Variants in PCDHGA3 observed in about 807,000 individuals in gnomAD.
PCDHGA3 encodes protocadherin gamma subfamily A, 3, also known as protocadherin gamma-A3.
In PCDHGA3, 40 loss-of-function variants were observed where a neutral mutation model predicts 58.5. The observed-to-expected ratio is 0.68, with a 90% CI of 0.53 to 0.89. The LOEUF (loss-of-function observed/expected upper bound fraction) is 0.89, where lower values mean the gene tolerates loss of function less well. PCDHGA3 is among the 40% of genes least tolerant of loss of function. PCDHGA3 has a pLI of 0.00. For missense variants in PCDHGA3, 1,223 were observed against 1,195.9 expected, an observed-to-expected ratio of 1.02 and a Z score of -0.33; for synonymous variants, 530 against 525.7, an observed-to-expected ratio of 1.01 and a Z score of -0.11.
chr5:141,383,057 G>A (rs1778763110), intron 1 of PCDHGA3: 2 of 1,613,902 alleles, frequency 1.2e-6, no homozygotes, highest in Non-Finnish European at 1.7e-6. Context: ...AAGGACCTGG[G>A]GCTGGAGCCC....
rs1375469711 is a variant in PCDHGA3, at chr5:141,512,102, C to A, written c.*929C>A. On this transcript the variant is annotated 3_prime_UTR_variant, in exon 4 of 4. Coordinates refer to ENST00000253812, the MANE Select transcript of PCDHGA3 (RefSeq NM_018916.4). ...GCCATAAACCAATAACTAGGCTGGA[C>A]CCTTCCCACTACATAATAGGGCTCA... The A allele has an allele frequency of 6.5e-6, 1 of 152,688 alleles. No individual in the cohort carries two copies. Among genetic ancestry groups the A allele is most frequent in the Non-Finnish European group, 1.5e-5 (1 of 68,070 alleles). The allele number at this position is 152,688 out of a possible 1,614,324, so 9.5% of individuals were successfully genotyped here. A position where few individuals can be genotyped will look rare whatever the true frequency, so the allele number is the denominator to read the frequency against.
chr5:141,451,163 G>A (rs2098709493), intron 1 of PCDHGA3, among the ~76,000 whole-genome samples: 1 of 152,086 alleles, frequency 6.6e-6, no homozygotes, highest in African/African-American at 2.4e-5. Flanking sequence ...TTTTTTGGTA[G>A]TATATTATTT....
chr5:141,410,602 T>A, intron 1 of PCDHGA3: 4 of 1,607,792 alleles, frequency 2.5e-6, no homozygotes, highest in South Asian at 2.2e-5. Flanking sequence ...TGACTTCACA[T>A]CCTGAGACTC....
At position 141,431,338 on chromosome 5, in the gene PCDHGA3, A is replaced by G; in HGVS notation, c.2425-63469A>G. On this transcript the variant is annotated intron_variant, in intron 1 of 3. Transcript: ENST00000253812. This position sits in a 1 kb window ranked among gnomAD's most constrained non-coding sequence, Gnocchi z 4.8. ...GAGCCGACGGTAGTAAGTACCCCGA[A>G]TTGGTGCTGAAACGCGCCCTGGACC... 1 of 1,614,068 alleles carries G rather than the reference A, an allele frequency of 6.2e-7. No homozygotes were observed. The highest frequency in any genetic ancestry group is 8.5e-7 in the Non-Finnish European group (1 of 1,180,032).
At position 141,346,052 on chromosome 5, in the gene PCDHGA3, C is replaced by G; in HGVS notation, c.2019C>G (p.Ala673=). 1 of 1,613,460 alleles carries G rather than the reference C, an allele frequency of 6.2e-7. No homozygotes were observed. The highest frequency in any genetic ancestry group is 1.1e-5 in the South Asian group (1 of 91,022). ...CCGACAGGATCCCCGACATCCTGGC[C>G]GACCTGGGCAGCCTCGAGCCCTCCG... is the stretch of plus-strand genomic sequence containing the variant. ...AVADRIPDIL[A]DLGSLEPSAK... The change falls in exon 1 of 4, where the codon GCC becomes GCG. Residue 673 remains alanine, a synonymous_variant. Transcript: ENST00000253812.
chr5:141,430,725 G>A (rs1436128094), intron 1 of PCDHGA3: 4 of 1,497,276 alleles, frequency 2.7e-6, no homozygotes, highest in Admixed American at 2.4e-5. Flanking sequence ...AGTGGTTAAG[G>A]GCAGAATTGA....
chr5:141,362,232 C>G, intron 1 of PCDHGA3: 4 of 1,614,034 alleles, frequency 2.5e-6, no homozygotes, highest in Non-Finnish European at 3.4e-6. Flanking sequence ...TGGCCTTGAT[C>G]TCAGTGCTCT....
At chr5:141,373,571 C>T (rs1157896176) in intron 1 of PCDHGA3, among the ~76,000 whole-genome samples, 1 of 152,096 alleles carries the variant, frequency 6.6e-6, no homozygotes, top group Non-Finnish European at 1.5e-5. Context: ...ATGGGACTAG[C>T]ATAAATGGTG....
At position 141,345,471 on chromosome 5, in the gene PCDHGA3, G is replaced by C. The variant is rs1757578653; in HGVS notation, c.1438G>C (p.Asp480His). ...SIFSVTAQDP[D>H]SNNNARITYA... ...CTTCTCAGTGACAGCCCAGGACCCA[G>C]ATAGCAACAACAACGCCCGCATCAC... Residue 480 changes from aspartate (D) to histidine (H), a missense_variant, in exon 1 of 4, where the codon GAT (aspartate) becomes CAT (histidine). Coordinates refer to ENST00000253812, the MANE Select transcript of PCDHGA3 (RefSeq NM_018916.4). The C allele has an allele frequency of 6.2e-7, 1 of 1,614,120 alleles. No homozygotes were observed. The highest frequency in any genetic ancestry group is 1.3e-5 in the African/African-American group (1 of 75,026).
In PCDHGA3 at chr5:141,409,864, C is replaced by A. The variant is rs772646188; in HGVS notation, c.2424+63407C>A. The A allele has an allele frequency of 1.9e-6, 3 of 1,612,574 alleles. No individual in the cohort carries two copies. The East Asian group carries it at 6.7e-5, about 36-fold the overall frequency. Reference sequence around the variant, plus strand: ...TGAGCCTGCGCGTGTTGGTGGGAGACCGCAATGACAACGCACCGCGGGTGC... The same window carrying A: ...TGAGCCTGCGCGTGTTGGTGGGAGAACGCAATGACAACGCACCGCGGGTGC... On this transcript the variant is annotated intron_variant, in intron 1 of 3. Transcript: ENST00000253812.
chr5:141,489,283 G>A lies in PCDHGA3; in HGVS notation c.2425-5524G>A. The A allele has an allele frequency of 6.4e-7, 1 of 1,569,594 alleles. No homozygotes were observed. Among genetic ancestry groups the A allele is most frequent in the Admixed American group, 1.8e-5 (1 of 55,646 alleles). ...CCCACAGCTCGCTGGGAAATGGCAA[G>A]TGCTGTGCATGTTGTCCTTGTGCTG... On this transcript the variant is annotated intron_variant, in intron 1 of 3. Coordinates refer to ENST00000253812, the MANE Select transcript of PCDHGA3 (RefSeq NM_018916.4). This position sits in a 1 kb window ranked among gnomAD's most constrained non-coding sequence, Gnocchi z 4.5.
chr5:141,477,656 C>A lies in PCDHGA3; in HGVS notation c.2425-17151C>A. ...AGTGGGTCGCTATTTCACAATAAAT[C>A]GTGACAATGGCATAGTGTCATCCTT... On this transcript the variant is annotated intron_variant, in intron 1 of 3. Transcript: ENST00000253812. The surrounding 1 kb of genome is among the most constrained non-coding windows in gnomAD (Gnocchi z 4.9). 1 of 1,614,184 alleles carries A rather than the reference C, an allele frequency of 6.2e-7. No homozygotes were observed.
rs1446206290 is a variant in PCDHGA3, at chr5:141,346,370, C to T, written c.2337C>T (p.Leu779=). Residue 779 remains leucine, a synonymous_variant, in exon 1 of 4, where the codon CTC becomes CTT. Coordinates refer to ENST00000253812, the MANE Select transcript of PCDHGA3 (RefSeq NM_018916.4). The part of the protein sequence containing the change: ...IFPQPNYADT[L]ISQESCEKSE... Reference sequence around the variant, plus strand: ...CCCAGCCCAACTATGCGGACACGCTCATCAGCCAGGAGAGCTGTGAGAAAA... The same window carrying T: ...CCCAGCCCAACTATGCGGACACGCTTATCAGCCAGGAGAGCTGTGAGAAAA... 6.2e-7 allele frequency: 1 copy of T among 1,614,238 alleles called. No homozygotes were observed. Among genetic ancestry groups the T allele is most frequent in the East Asian group, 2.2e-5 (1 of 44,884 alleles).
intron 1 of PCDHGA3, chr5:141,400,082 C>A: frequency 1.2e-6 from 2 of 1,614,016 alleles, no homozygotes; most frequent in Non-Finnish European, 1.7e-6. Flanking sequence ...CCACTCTCCG[C>A]CACCGCCACG....
rs1224625072 is a variant in PCDHGA3, at chr5:141,490,972, C to T, written c.2425-3835C>T. ...AGACTGGGAACACTCAGCCCCCCAG[C>T]GTCTCCCTCGCTCTGCTCCTCCTGG... On this transcript the variant is annotated intron_variant, in intron 1 of 3. Transcript: ENST00000253812. This position sits in a 1 kb window ranked among gnomAD's most constrained non-coding sequence, Gnocchi z 5.4. The T allele has an allele frequency of 1.2e-5, 20 of 1,613,912 alleles. No individual in the cohort carries two copies. Among genetic ancestry groups the T allele is most frequent in the East Asian group, 4.5e-5 (2 of 44,882 alleles).
chr5:141,375,834 C>G lies in PCDHGA3; in HGVS notation c.2424+29377C>G, dbSNP rs1167436208. On this transcript the variant is annotated intron_variant, in intron 1 of 3. Transcript: ENST00000253812. ...GAGCTGGCGCCCCGCTCCGCAGAGC[C>G]CGGCTACCTGGTGACCAAGGTGGTG... is the stretch of plus-strand genomic sequence containing the variant. The G allele has an allele frequency of 2.1e-5, 34 of 1,614,138 alleles. No individual in the cohort carries two copies. The highest frequency in any genetic ancestry group is 2.7e-5 in the African/African-American group (2 of 75,080).
At chr5:141,440,763 T>A (rs2098198978) in intron 1 of PCDHGA3, 1 of 152,138 alleles carries the variant, frequency 6.6e-6, no homozygotes, top group Admixed American at 6.6e-5. Flanking sequence ...AGAGCTCCCA[T>A]CCCTTAGTGC....
intron 1 of PCDHGA3, chr5:141,420,293 A>G: frequency 1.3e-6 from 2 of 1,485,602 alleles, no homozygotes; most frequent in Non-Finnish European, 9.1e-7. Context: ...TTAAAAATGT[A>G]TTTAATCCTT....
Position 141,487,243 on chromosome 5 carries a change from C to T in PCDHGA3, c.2425-7564C>T. 1 of 1,614,114 alleles carries T rather than the reference C, an allele frequency of 6.2e-7. No individual in the cohort carries two copies. The highest frequency in any genetic ancestry group is 8.5e-7 in the Non-Finnish European group (1 of 1,180,000). Reference sequence around the variant, plus strand: ...CAAGGGAAGGAGAATCTCGTCTAACCCTCTACTTGGCTGTGTCCCTAGTGG... The same window carrying T: ...CAAGGGAAGGAGAATCTCGTCTAACTCTCTACTTGGCTGTGTCCCTAGTGG... On this transcript the variant is annotated intron_variant, in intron 1 of 3. Coordinates refer to ENST00000253812, the MANE Select transcript of PCDHGA3 (RefSeq NM_018916.4). The surrounding 1 kb of genome is among the most constrained non-coding windows in gnomAD (Gnocchi z 5.0).
Sources: allele counts gnomAD v4.1 joint callset (sites outside exome capture counted in the v4.1 genomes callset), GRCh38; gene constraint gnomAD v4.1.1; non-coding constraint Gnocchi (gnomAD v3.1); transcripts MANE v1.5; gene names NCBI Gene and HGNC (gene_info 2026-07-23, HGNC 2026-07-21).